The following MGST1 variants were observed in gnomAD, a reference collection of about 807,000 sequenced individuals.
MGST1 encodes the protein microsomal glutathione S-transferase 1, also known as glutathione S-transferase 12.
In MGST1, 5 loss-of-function variants were observed where a neutral mutation model predicts 8.9. The ratio of observed to expected loss-of-function variants is 0.56; its 90% CI spans 0.29 to 1.19. MGST1 has a LOEUF of 1.19. Among genes scored for constraint, MGST1 ranks in the 50% most tolerant of loss-of-function variants. The pLI is 0.08. For synonymous variants in MGST1, 54 were observed against 67.8 expected (o/e 0.80, Z 1.00); for missense variants, 182 against 187.4 (o/e 0.97, Z 0.17).
At chr12:16,366,438 C>T (rs375931314), downstream of MGST1, among the ~76,000 whole-genome samples, 6 of 152,058 alleles carry the variant, frequency 3.9e-5, no homozygotes, top group Admixed American at 1.3e-4. This position sits in a 1 kb window ranked among gnomAD's most constrained non-coding sequence, Gnocchi z 4.0. Context: ...GACTACAAGA[C>T]AGAATTGGCT....
At chr12:16,521,849 T>C (rs1397017104) in intron 4 of MGST1, among the ~76,000 whole-genome samples, 2 of 152,098 alleles carry the variant, frequency 1.3e-5, no homozygotes, top group East Asian at 3.9e-4. Context: ...TCCTCTGCTT[T>C]TAAAATTCCC....
chr12:16,396,541 A>G (rs188016561), intron 1 of MGST1, among the ~76,000 whole-genome samples: 1 of 152,272 alleles, frequency 6.6e-6, no homozygotes, highest in East Asian at 1.9e-4. Flanking sequence ...AAAATCCTAA[A>G]GACTCCTCCA....
At chr12:16,556,706 G>A (rs1942205142) in intron 4 of MGST1, among the ~76,000 whole-genome samples, 1 of 152,138 alleles carries the variant, frequency 6.6e-6, no homozygotes, top group African/African-American at 2.4e-5. Context: ...GGAGACTGAA[G>A]CAAACTTCAG....
At chr12:16,387,762 A>C (rs969017523) in intron 1 of MGST1, among the ~76,000 whole-genome samples, 2 of 151,994 alleles carry the variant, frequency 1.3e-5, no homozygotes, top group Non-Finnish European at 2.9e-5. Flanking sequence ...TCCTGACCTC[A>C]TGATCTGCCC....
intron 4 of MGST1, among the ~76,000 whole-genome samples, chr12:16,495,935 C>T (rs759719824): frequency 2.0e-5 from 3 of 151,940 alleles, no homozygotes; most frequent in African/African-American, 7.3e-5. Context: ...AATTATAGTC[C>T]CCTTTCCTTT....
At chr12:16,398,989 G>A (rs1345793508) in intron 1 of MGST1, among the ~76,000 whole-genome samples, 1 of 152,056 alleles carries the variant, frequency 6.6e-6, no homozygotes, top group African/African-American at 2.4e-5. Context: ...CTGGCACAAG[G>A]TGACAGGAAG....
chr12:16,441,044 T>A (rs1011477794), downstream of MGST1, among the ~76,000 whole-genome samples: 2 of 151,894 alleles, frequency 1.3e-5, no homozygotes, highest in African/African-American at 4.8e-5. Context: ...TTCTTTTACA[T>A]ACTTCTTATT....
At chr12:16,569,914 C>T (rs1010542340) in intron 4 of MGST1, among the ~76,000 whole-genome samples, 8 of 152,070 alleles carry the variant, frequency 5.3e-5, no homozygotes, top group Non-Finnish European at 7.4e-5. Flanking sequence ...TTTATCTAAT[C>T]ACTATAGCTC....
At position 16,546,563 on chromosome 12, in the gene MGST1, G is replaced by C. The variant is rs2137219223; in HGVS notation, n.483-42965G>C. ...GCACGCCCAAAACAGGAGTATCTTT[G>C]AATTTAACATATTTTCCTTTTCAGA... On this transcript the variant is annotated intron_variant and non_coding_transcript_variant, in intron 4 of 4. Transcript: ENST00000538857. The surrounding 1 kb of genome is among the most constrained non-coding windows in gnomAD (Gnocchi z 4.7). Among the ~76,000 whole-genome samples the C allele has an allele frequency of 6.6e-6, 1 of 152,182 alleles. No individual in the cohort carries two copies. The highest frequency in any genetic ancestry group is 2.1e-4 in the South Asian group (1 of 4,828).
At chr12:16,390,075 G>C (rs527386019) in intron 1 of MGST1, among the ~76,000 whole-genome samples, 7 of 152,172 alleles carry the variant, frequency 4.6e-5, no homozygotes, top group Admixed American at 1.3e-4. Flanking sequence ...AATACATCTT[G>C]TCAGAATAAC....
intron 1 of MGST1, among the ~76,000 whole-genome samples, chr12:16,418,947 A>G (rs1161122567): frequency 1.3e-5 from 2 of 152,064 alleles, no homozygotes. Flanking sequence ...CTCAGAGCTT[A>G]TATGTTTAGT....
chr12:16,429,161 A>G (rs1940918586), intron 1 of MGST1, among the ~76,000 whole-genome samples: 1 of 152,148 alleles, frequency 6.6e-6, no homozygotes, highest in Non-Finnish European at 1.5e-5. Flanking sequence ...GGATAATTTC[A>G]AAAGGGTTTT....
At chr12:16,395,621 T>A (rs1355778062) in intron 1 of MGST1, among the ~76,000 whole-genome samples, 2 of 151,568 alleles carry the variant, frequency 1.3e-5, no homozygotes, top group Admixed American at 1.3e-4. Flanking sequence ...TTTTTATGAC[T>A]TTGAATCCCC....
chr12:16,449,881 T>A (rs903295629), intron 4 of MGST1, among the ~76,000 whole-genome samples: 1 of 151,954 alleles, frequency 6.6e-6, no homozygotes, highest in African/African-American at 2.4e-5. Flanking sequence ...CAGTTTTCTC[T>A]CCACCTCATT....
In MGST1 at chr12:16,389,738, TG is replaced by T. The variant is rs1940534010; in HGVS notation, n.778+6135del. Among the ~76,000 whole-genome samples, 7 of 151,894 alleles carry T rather than the reference TG, an allele frequency of 4.6e-5. No homozygotes were observed. In the South Asian group the frequency reaches 1.2e-3, roughly 27 times the overall value. The stretch of plus-strand genomic sequence containing the variant: ...CATTGGGGTTTGAAGTATGAACACG[TG>T]TTTAGTGAGCAATATTGGAGTTTTC... On this transcript the variant is annotated intron_variant and non_coding_transcript_variant, in intron 1 of 1. Transcript: ENST00000359720. This position sits in a 1 kb window ranked among gnomAD's most constrained non-coding sequence, Gnocchi z 4.6.
chr12:16,401,805 A>T lies in MGST1; in HGVS notation n.778+18201A>T, dbSNP rs1239987350. The T allele has an allele frequency of 6.2e-7, 1 of 1,603,808 alleles. No homozygotes were observed. The highest frequency in any genetic ancestry group is 1.7e-5 in the Admixed American group (1 of 60,012). ...GTGTCAAACTTTCTCATCTGCATCA[A>T]CTATTTCCATGACTCTTTCCTTGAA... On this transcript the variant is annotated intron_variant and non_coding_transcript_variant, in intron 1 of 1. Coordinates refer to the MGST1 transcript ENST00000359720. The surrounding 1 kb of genome is among the most constrained non-coding windows in gnomAD (Gnocchi z 4.3).
chr12:16,390,332 A>G (rs1173018007), intron 1 of MGST1, among the ~76,000 whole-genome samples: 3 of 152,240 alleles, frequency 2.0e-5, no homozygotes, highest in Non-Finnish European at 4.4e-5. Context: ...AAACATATGC[A>G]TATTTGCTAT....
In MGST1 at chr12:16,363,915, G is replaced by T. The variant is rs748115871; in HGVS notation, c.342G>T (p.Arg114=). 2 of 1,613,922 alleles carry T rather than the reference G, an allele frequency of 1.2e-6. No individual in the cohort carries two copies. Among genetic ancestry groups the T allele is most frequent in the Non-Finnish European group, 1.7e-6 (2 of 1,179,910 alleles). Reference sequence around the variant, plus strand: ...ACTTCAGACTATTTGTCGGAGCACGGATCTACCACACCATTGCATATTTGA... The same window carrying T: ...ACTTCAGACTATTTGTCGGAGCACGTATCTACCACACCATTGCATATTTGA... The part of the protein sequence containing the change: ...ILHFRLFVGA[R]IYHTIAYLTP... The change falls in exon 4 of 4, where the codon CGG becomes CGT. Residue 114 remains arginine (R), a synonymous_variant. Coordinates refer to ENST00000396210, the MANE Select transcript of MGST1 (RefSeq NM_020300.5). This position sits in a 1 kb window ranked among gnomAD's most constrained non-coding sequence, Gnocchi z 4.6.
intron 4 of MGST1, among the ~76,000 whole-genome samples, chr12:16,468,786 G>A (rs372661769): frequency 8.5e-5 from 13 of 152,328 alleles, no homozygotes; most frequent in East Asian, 3.9e-4. Context: ...AGGAATAGAA[G>A]CTCCATCTCC....
Sources: allele counts gnomAD v4.1 joint callset (sites outside exome capture counted in the v4.1 genomes callset), GRCh38; gene constraint gnomAD v4.1.1; non-coding constraint Gnocchi (gnomAD v3.1); transcripts MANE v1.5; gene names NCBI Gene and HGNC (gene_info 2026-07-23, HGNC 2026-07-21).